Variants in SOX6 observed in about 807,000 individuals in gnomAD.
The protein encoded by SOX6 is transcription factor SOX-6.
A neutral mutation model predicts 97.8 loss-of-function variants in SOX6; 11 were observed. That is an observed-to-expected ratio of 0.11 (90% CI 0.07 to 0.19). The LOEUF (loss-of-function observed/expected upper bound fraction) is 0.19, where lower values mean the gene tolerates loss of function less well. SOX6 is among the 10% of genes least tolerant of loss of function. The pLI is 1.00. For missense variants in SOX6, 810 were observed against 1,039.5 expected (o/e 0.78, Z 3.04); for synonymous variants, 360 against 371.4 (o/e 0.97, Z 0.35).
intron 1 of SOX6, among the ~76,000 whole-genome samples, chr11:16,391,707 G>A (rs1037709664): frequency 6.6e-6 from 1 of 151,904 alleles, no homozygotes; most frequent in Admixed American, 6.6e-5. Context: ...AAATGAGTAT[G>A]TGAAAGATCA....
At chr11:16,642,421 C>A (rs1181252087) in intron 3 of SOX6, among the ~76,000 whole-genome samples, 1 of 152,066 alleles carries the variant, frequency 6.6e-6, no homozygotes, top group Non-Finnish European at 1.5e-5. Context: ...TGAGGAGTAT[C>A]TTTGTGGTGT....
Position 16,548,525 on chromosome 11 carries a change from G to A in SOX6, n.609+63556C>T, listed in dbSNP as rs187594867. On this transcript the variant is annotated intron_variant and non_coding_transcript_variant, in intron 4 of 5. Transcript: ENST00000524520. ...ACATAAAACTATAAAATTTCTAGAA[G>A]AAAATGTATGAGAAAATATTTCTGG... Among the ~76,000 whole-genome samples the A allele has an allele frequency of 1.8e-3, 270 of 152,194 alleles. 1 individual carries two copies. Among genetic ancestry groups the A allele is most frequent in the African/African-American group, 6.3e-3 (262 of 41,546 alleles).
intron 2 of SOX6, among the ~76,000 whole-genome samples, chr11:16,732,468 CACAA>C (rs1420528495): frequency 1.3e-5 from 2 of 152,162 alleles, no homozygotes; most frequent in Non-Finnish European, 2.9e-5. Context: ...ACGAACCTGA[CACAA>C]ACAAGCAACG....
At chr11:16,659,875 T>C (rs567933358) in intron 3 of SOX6, among the ~76,000 whole-genome samples, 4 of 152,292 alleles carry the variant, frequency 2.6e-5, no homozygotes, top group African/African-American at 9.6e-5. Context: ...TTCCAAGGAA[T>C]TGGTCTATTT....
intron 3 of SOX6, among the ~76,000 whole-genome samples, chr11:16,248,073 A>C (rs1853392694): frequency 1.3e-5 from 2 of 152,194 alleles, no homozygotes; most frequent in Non-Finnish European, 2.9e-5. Context: ...AAATCCAATA[A>C]GGCAGTCATT....
chr11:16,243,808 A>C (rs867252238), intron 3 of SOX6, among the ~76,000 whole-genome samples: 1 of 151,960 alleles, frequency 6.6e-6, no homozygotes, highest in Non-Finnish European at 1.5e-5. Flanking sequence ...CACTCAGCAT[A>C]AAGTTCTTGA....
intron 15 of SOX6, among the ~76,000 whole-genome samples, chr11:15,975,551 T>C (rs969702361): frequency 6.6e-6 from 1 of 152,210 alleles, no homozygotes; most frequent in African/African-American, 2.4e-5. Flanking sequence ...AATATCTATA[T>C]CAATAGGTCT....
intron 3 of SOX6, 77 bp from the exon 4 acceptor site, chr11:16,234,748 C>T (rs1852965145): frequency 2.4e-6 from 2 of 846,116 alleles, no homozygotes; most frequent in Non-Finnish European, 3.6e-6. Context: ...GGGAAATTCT[C>T]ATTTAAGAAT....
chr11:16,529,115 A>C (rs1861206484), intron 4 of SOX6, among the ~76,000 whole-genome samples: 1 of 152,092 alleles, frequency 6.6e-6, no homozygotes, highest in Non-Finnish European at 1.5e-5. Flanking sequence ...ATCTATTTGA[A>C]ATATTAACAT....
At chr11:16,417,678 T>A (rs1031547709) in intron 1 of SOX6, among the ~76,000 whole-genome samples, 2 of 152,182 alleles carry the variant, frequency 1.3e-5, no homozygotes, top group Non-Finnish European at 2.9e-5. Context: ...TGAATATACA[T>A]CTTATTTTTT....
chr11:16,040,638 T>C (rs1564921063), intron 12 of SOX6, among the ~76,000 whole-genome samples: 2 of 152,060 alleles, frequency 1.3e-5, no homozygotes, highest in Non-Finnish European at 2.9e-5. Context: ...ATTTTAGCAT[T>C]CACTTCATTA....
At chr11:16,162,731 C>T (rs992315213) in intron 6 of SOX6, among the ~76,000 whole-genome samples, 4 of 152,164 alleles carry the variant, frequency 2.6e-5, no homozygotes, top group African/African-American at 9.7e-5. Flanking sequence ...TTATTTATAT[C>T]AATTCAAGAA....
At chr11:16,426,212 C>T (rs556983343) in intron 1 of SOX6, among the ~76,000 whole-genome samples, 13 of 112,254 alleles carry the variant, frequency 1.2e-4, no homozygotes, top group South Asian at 6.3e-4. Flanking sequence ...GCTGAGATTG[C>T]GCCACTGCAC....
intron 6 of SOX6, among the ~76,000 whole-genome samples, chr11:16,152,857 C>T (rs1216645748): frequency 6.6e-6 from 1 of 151,734 alleles, no homozygotes; most frequent in Admixed American, 6.6e-5. Context: ...GTGTGTGCCA[C>T]CAAGCCCTAA....
intron 4 of SOX6, among the ~76,000 whole-genome samples, chr11:16,232,779 G>A (rs1852898715): frequency 6.6e-6 from 1 of 152,056 alleles, no homozygotes; most frequent in South Asian, 2.1e-4. Context: ...CTTTGGAAAG[G>A]GAAGAAAACA....
chr11:16,231,872 T>C (rs1852862633), intron 4 of SOX6, among the ~76,000 whole-genome samples: 1 of 151,646 alleles, frequency 6.6e-6, no homozygotes, highest in Non-Finnish European at 1.5e-5. Context: ...GGAAAATAGA[T>C]TACAAAAAAA....
chr11:16,274,850 C>T (rs1854351404), intron 3 of SOX6, among the ~76,000 whole-genome samples: 1 of 152,100 alleles, frequency 6.6e-6, no homozygotes. Context: ...GGCCTTTTGG[C>T]TTTGTGTAAC....
intron 13 of SOX6, among the ~76,000 whole-genome samples, chr11:15,997,377 T>A (rs375599161): frequency 6.6e-6 from 1 of 152,200 alleles, no homozygotes; most frequent in Non-Finnish European, 1.5e-5. Context: ...ATTAAGTTTA[T>A]GAGGCAGCAT....
intron 1 of SOX6, among the ~76,000 whole-genome samples, chr11:16,432,498 A>G (rs1859290379): frequency 6.6e-6 from 1 of 152,130 alleles, no homozygotes; most frequent in Non-Finnish European, 1.5e-5. Context: ...TTATTTTTCA[A>G]TACGAATTAT....
Sources: gnomAD v4.1 joint callset for allele counts (sites outside exome capture counted in the v4.1 genomes callset) on GRCh38, gnomAD v4.1.1 for gene constraint, MANE v1.5 for transcripts, NCBI Gene and HGNC (gene_info 2026-07-23, HGNC 2026-07-21) for gene names.